The following PPCDC variants were observed in gnomAD, a reference collection of about 807,000 sequenced individuals.
PPCDC encodes the protein phosphopantothenoylcysteine decarboxylase.
In PPCDC, 20 loss-of-function variants were observed where a neutral mutation model predicts 20.7. That is an observed-to-expected ratio of 0.97 (90% CI 0.68 to 1.41). PPCDC has a LOEUF of 1.41. PPCDC is among the 40% of genes most tolerant of loss of function. PPCDC has a pLI of 0.00. For synonymous variants in PPCDC, 88 were observed against 100.3 expected, an observed-to-expected ratio of 0.88 and a Z score of 0.73; for missense variants, 246 against 263.8, an observed-to-expected ratio of 0.93 and a Z score of 0.47.
chr15:75,039,357 G>T (rs891468964), intron 2 of PPCDC, among the ~76,000 whole-genome samples: 2 of 152,158 alleles, frequency 1.3e-5, no homozygotes, highest in African/African-American at 4.8e-5. Context: ...GTCAAGTAGG[G>T]GAAGCAGGCT....
At chr15:75,044,780 C>A (rs972867946) in intron 4 of PPCDC, 2 of 414,032 alleles carry the variant, frequency 4.8e-6, no homozygotes, top group Admixed American at 8.3e-5. Flanking sequence ...CAGCCAGGTG[C>A]CCACAGGAAG....
chr15:75,034,077 A>T (rs1180102019), intron 2 of PPCDC, among the ~76,000 whole-genome samples: 1 of 152,156 alleles, frequency 6.6e-6, no homozygotes, highest in Non-Finnish European at 1.5e-5. Flanking sequence ...GGTGAGCTAG[A>T]TGGAGCCCTA....
At chr15:75,032,659 G>A (rs1451670079) in intron 2 of PPCDC, among the ~76,000 whole-genome samples, 1 of 150,836 alleles carries the variant, frequency 6.6e-6, no homozygotes, top group Non-Finnish European at 1.5e-5. Context: ...GGCTCTCTCT[G>A]TGCTGAAGGG....
chr15:75,042,999 G>T (rs1198348799), intron 2 of PPCDC, among the ~76,000 whole-genome samples: 1 of 152,210 alleles, frequency 6.6e-6, no homozygotes, highest in Non-Finnish European at 1.5e-5. Context: ...CCAGCGCCTT[G>T]GCCTGCAGAG....
At chr15:75,029,934 A>G (rs1194638844) in intron 2 of PPCDC, among the ~76,000 whole-genome samples, 1 of 152,058 alleles carries the variant, frequency 6.6e-6, no homozygotes, top group Non-Finnish European at 1.5e-5. Context: ...TGGCAACCCT[A>G]CCGCTTCCTC....
chr15:75,023,861 G>A (rs2065932754), intron 1 of PPCDC, among the ~76,000 whole-genome samples: 2 of 152,160 alleles, frequency 1.3e-5, no homozygotes, highest in South Asian at 4.2e-4. Context: ...GGACCCCCGA[G>A]CCCTGAGTGG....
rs768744006 is a variant in PPCDC at position 75,042,652 on chromosome 15, CAA to C, written c.136-769_136-768del. On this transcript the variant is annotated intron_variant, in intron 2 of 5. Transcript: ENST00000342932. Reference sequence around the variant, plus strand: ...TGGGCGACAAAGTAAGACTCCATCTCAAAAAAAAAAAAAAAAAAAAATCTTGT... The same window carrying C: ...TGGGCGACAAAGTAAGACTCCATCTCAAAAAAAAAAAAAAAAAAATCTTGT... Among the ~76,000 whole-genome samples, 651 of 89,752 alleles carry C rather than the reference CAA, an allele frequency of 7.3e-3. 5 individuals are homozygous for C. Among genetic ancestry groups the C allele is most frequent in the Non-Finnish European group, 0.01 (463 of 45,398 alleles). The allele number at this position is 89,752 out of a possible 152,430, so 58.9% of individuals were successfully genotyped here.
chr15:75,032,733 C>CGA (rs530128059), intron 2 of PPCDC, among the ~76,000 whole-genome samples: 3 of 137,144 alleles, frequency 2.2e-5, no homozygotes, highest in South Asian at 2.7e-4. Flanking sequence ...GACCCCCCCC[C>CGA]CCAAGGCCAA....
chr15:75,045,521 G>A (rs1240917082), intron 4 of PPCDC, among the ~76,000 whole-genome samples: 1 of 152,224 alleles, frequency 6.6e-6, no homozygotes, highest in Non-Finnish European at 1.5e-5. Context: ...AGAGTTTCAT[G>A]TGGTGAAGAA....
At chr15:75,025,246 G>A (rs2065947578) in intron 1 of PPCDC, among the ~76,000 whole-genome samples, 1 of 152,174 alleles carries the variant, frequency 6.6e-6, no homozygotes, top group African/African-American at 2.4e-5. Context: ...TTGATGTTAG[G>A]CTAAAGGATT....
intron 2 of PPCDC, among the ~76,000 whole-genome samples, chr15:75,032,725 C>CT (rs386383496): frequency 5.4e-5 from 1 of 18,400 alleles, no homozygotes; most frequent in African/African-American, 7.6e-5. Context: ...GCAAACTGGA[C>CT]CCCCCCCCCC....
intron 3 of PPCDC, chr15:75,043,833 T>C (rs1448030590): frequency 5.4e-6 from 2 of 367,184 alleles, no homozygotes; most frequent in African/African-American, 2.1e-5. Flanking sequence ...CCACCACCCT[T>C]GTCCACGTGG....
intron 1 of PPCDC, among the ~76,000 whole-genome samples, chr15:75,026,208 A>G (rs917711909): frequency 3.9e-5 from 6 of 152,186 alleles, no homozygotes; most frequent in African/African-American, 1.4e-4. Context: ...TCCTAGCACC[A>G]GTTGGCTAGG....
At chr15:75,033,464 T>A (rs1352342436) in intron 2 of PPCDC, among the ~76,000 whole-genome samples, 1 of 152,200 alleles carries the variant, frequency 6.6e-6, no homozygotes. Context: ...CATTTTTGTA[T>A]CATTCTGTTC....
intron 1 of PPCDC, 70 bp from the exon 2 acceptor site, chr15:75,028,177 T>G (rs1267317285): frequency 8.7e-7 from 1 of 1,153,654 alleles, no homozygotes; most frequent in Non-Finnish European, 1.2e-6. Context: ...GCCTGGGGCC[T>G]AATACGTGGT....
At chr15:75,044,188 C>T (rs558330516) in intron 3 of PPCDC, among the ~76,000 whole-genome samples, 198 bp from the exon 4 acceptor site, 2 of 152,284 alleles carry the variant, frequency 1.3e-5, no homozygotes, top group South Asian at 4.1e-4. Context: ...ACAAGGGGCA[C>T]TTGTTTCCTC....
intron 2 of PPCDC, among the ~76,000 whole-genome samples, chr15:75,037,617 C>T (rs1468151571): frequency 6.6e-6 from 1 of 152,134 alleles, no homozygotes; most frequent in Non-Finnish European, 1.5e-5. Flanking sequence ...CATGGTGGCG[C>T]ATGCCTGTAA....
At chr15:75,043,754 G>C (rs1326589058) in intron 3 of PPCDC, 1 of 557,432 alleles carries the variant, frequency 1.8e-6, no homozygotes, top group Non-Finnish European at 3.2e-6. Context: ...GCTGGGCTTT[G>C]GCCTGGTGCC....
intron 2 of PPCDC, among the ~76,000 whole-genome samples, chr15:75,037,275 G>A (rs2066096631): frequency 1.3e-5 from 2 of 152,190 alleles, no homozygotes; most frequent in African/African-American, 4.8e-5. Context: ...CAGTTAAGTG[G>A]AAGGGAGGAC....
Sources: gnomAD v4.1 joint callset for allele counts (sites outside exome capture counted in the v4.1 genomes callset) on GRCh38, gnomAD v4.1.1 for gene constraint, MANE v1.5 for transcripts, NCBI Gene and HGNC (gene_info 2026-07-23, HGNC 2026-07-21) for gene names.